WDR17: variants seen among roughly 807,000 people sequenced by gnomAD.
WDR17 encodes WD repeat domain 17, also known as WD repeat-containing protein 17.
In WDR17, 143 loss-of-function variants were observed where a neutral mutation model predicts 161.7. That is an observed-to-expected ratio of 0.88 (90% confidence interval 0.77 to 1.02). The LOEUF is 1.02. WDR17 is among the 50% of genes least tolerant of loss of function. The pLI is 0.00. For missense variants in WDR17, 1,469 were observed against 1,520.9 expected (o/e 0.97, Z 0.57); for synonymous variants, 517 against 515.6 (o/e 1.00, Z -0.04).
At chr4:176,092,444 G>A (rs1229118863) in intron 1 of WDR17, among the ~76,000 whole-genome samples, 1 of 151,968 alleles carries the variant, frequency 6.6e-6, no homozygotes, top group African/African-American at 2.4e-5. Flanking sequence ...AACATAACAC[G>A]ACACAATAAA....
chr4:176,156,226 C>G, intron 18 of WDR17, 83 bp downstream of exon 18: 1 of 1,263,110 alleles, frequency 7.9e-7, no homozygotes, highest in Non-Finnish European at 1.1e-6. Context: ...GGCAGTAGCT[C>G]TTGAAATTTC....
At position 176,086,238 on chromosome 4, in the gene WDR17, A is replaced by C. The variant is rs755796712; in HGVS notation, c.-7+20159A>C. Among the ~76,000 whole-genome samples the C allele has an allele frequency of 2.7e-4, 41 of 152,048 alleles. 2 individuals are homozygous for C. In the Middle Eastern group the frequency reaches 0.01, roughly 38 times the overall value. ...CACGGTTAATTTTTGTAAGTAGCCC[A>C]TGTTTATTTGAAAAGAATGTGAATT... is the stretch of plus-strand genomic sequence containing the variant. On this transcript the variant is annotated intron_variant, in intron 1 of 28. Coordinates refer to ENST00000508596, the MANE Select transcript of WDR17 (RefSeq NM_181265.4).
intron 1 of WDR17, among the ~76,000 whole-genome samples, chr4:176,096,879 AT>A (rs1414801100): frequency 6.6e-6 from 1 of 151,734 alleles, no homozygotes; most frequent in African/African-American, 2.4e-5. Flanking sequence ...ATTGAGATTA[AT>A]ATATGAAAAT....
chr4:176,151,673 G>A, intron 16 of WDR17, 139 bp from the exon 17 acceptor site: 1 of 734,286 alleles, frequency 1.4e-6, no homozygotes, highest in Non-Finnish European at 2.1e-6. Context: ...ATCACCTCAA[G>A]CATTTATCTT....
intron 3 of WDR17, among the ~76,000 whole-genome samples, chr4:176,118,606 T>C (rs1485942323): frequency 6.6e-6 from 1 of 152,164 alleles, no homozygotes; most frequent in Non-Finnish European, 1.5e-5. Context: ...TCTTTGTTCA[T>C]ATCATTTTCT....
At chr4:176,136,595 T>A (rs1744448527) in intron 8 of WDR17, among the ~76,000 whole-genome samples, 1 of 151,600 alleles carries the variant, frequency 6.6e-6, no homozygotes, top group African/African-American at 2.4e-5. Flanking sequence ...TGGTGCATCA[T>A]GACTTTGAGG....
At chr4:176,133,087 C>T (rs1579141404) in intron 7 of WDR17, among the ~76,000 whole-genome samples, 1 of 150,390 alleles carries the variant, frequency 6.6e-6, no homozygotes, top group African/African-American at 2.4e-5. Context: ...ATTGCAGCAA[C>T]TCAAAAGAAA....
intron 1 of WDR17, among the ~76,000 whole-genome samples, chr4:176,084,809 A>G (rs1052623762): frequency 2.7e-5 from 4 of 148,236 alleles, no homozygotes; most frequent in African/African-American, 9.8e-5. Flanking sequence ...ATATACACAC[A>G]TGCTTATATT....
intron 11 of WDR17, among the ~76,000 whole-genome samples, chr4:176,142,948 C>T (rs1399914810): frequency 1.3e-5 from 2 of 152,156 alleles, no homozygotes; most frequent in Admixed American, 1.3e-4. Context: ...GGCATGATCT[C>T]GGCTCACGGC....
intron 15 of WDR17, 67 bp downstream of exon 15, chr4:176,150,240 T>G: frequency 6.3e-7 from 1 of 1,579,780 alleles, no homozygotes; most frequent in East Asian, 2.2e-5. Context: ...ACAACTATTT[T>G]TATTCACATA....
intron 1 of WDR17, among the ~76,000 whole-genome samples, chr4:176,082,352 A>C (rs1734856596): frequency 6.6e-6 from 1 of 152,130 alleles, no homozygotes; most frequent in Non-Finnish European, 1.5e-5. Context: ...AATTATATTT[A>C]AAGACAAGAA....
At chr4:176,134,655 G>C (rs1038292378) in intron 7 of WDR17, among the ~76,000 whole-genome samples, 1 of 151,646 alleles carries the variant, frequency 6.6e-6, no homozygotes, top group African/African-American at 2.4e-5. Flanking sequence ...TACGTTATTA[G>C]TATAAAAAAG....
intron 1 of WDR17, among the ~76,000 whole-genome samples, chr4:176,104,152 T>A (rs1738296402): frequency 6.6e-6 from 1 of 152,086 alleles, no homozygotes. Flanking sequence ...CAACCAAATA[T>A]CTTTTATCCT....
Position 176,152,595 on chromosome 4 carries a change from CAAAAAAAA to C in WDR17, c.2460+648_2460+655del, listed in dbSNP as rs34451055. Reference sequence around the variant, plus strand: ...TACTCCAGCCTGGGTAACTCCATCTCAAAAAAAAAAAAAAAAAAAAAAAAAAAGGGAAA... The same window carrying C: ...TACTCCAGCCTGGGTAACTCCATCTCAAAAAAAAAAAAAAAAAAAGGGAAA... On this transcript the variant is annotated intron_variant, in intron 17 of 28. Transcript: ENST00000508596. 8.6e-4 allele frequency among the ~76,000 whole-genome samples: 32 copies of C among 37,248 alleles called. 1 individual carries two copies. The highest frequency in any genetic ancestry group is 2.9e-3 in the African/African-American group (25 of 8,728). The allele number at this position is 37,248 out of a possible 152,430, so 24.4% of individuals were successfully genotyped here.
chr4:176,177,357 T>A, intron 27 of WDR17, 114 bp from the exon 28 acceptor site: 2 of 1,104,684 alleles, frequency 1.8e-6, no homozygotes, highest in East Asian at 4.8e-5. Context: ...TCTAAAGGGA[T>A]TTGTCTCCAT....
chr4:176,110,925 C>T (rs1739619304), intron 1 of WDR17, among the ~76,000 whole-genome samples: 1 of 152,170 alleles, frequency 6.6e-6, no homozygotes, highest in African/African-American at 2.4e-5. Context: ...CTCTGTCCTG[C>T]CACATAGACA....
rs529158640 is a variant in WDR17, at chr4:176,130,693, C to T, written c.914-861C>T. Among the ~76,000 whole-genome samples the T allele has an allele frequency of 1.1e-4, 16 of 146,734 alleles. No homozygotes were observed. In the South Asian group the frequency reaches 2.8e-3, roughly 26 times the overall value. On this transcript the variant is annotated intron_variant, in intron 6 of 28. Transcript: ENST00000508596. Reference sequence around the variant, plus strand: ...CTGGGAGGCGGAGCTTGCAGTGAGCCGAGATCATGCCACAGCACTCCAGCC... The same window carrying T: ...CTGGGAGGCGGAGCTTGCAGTGAGCTGAGATCATGCCACAGCACTCCAGCC...
intron 1 of WDR17, among the ~76,000 whole-genome samples, chr4:176,069,312 A>G (rs115810443): frequency 0.044 from 6,765 of 152,080 alleles, 225 homozygotes; most frequent in Non-Finnish European, 0.068. Flanking sequence ...CTTACAAAGT[A>G]TTGTTCAGTA....
chr4:176,163,072 A>T, intron 21 of WDR17, 82 bp from the exon 22 acceptor site: 1 of 1,529,066 alleles, frequency 6.5e-7, no homozygotes, highest in South Asian at 1.1e-5. Context: ...ATACTGCTTT[A>T]TCTGCTTTAT....
Sources: allele counts gnomAD v4.1 joint callset (sites outside exome capture counted in the v4.1 genomes callset), GRCh38; gene constraint gnomAD v4.1.1; transcripts MANE v1.5; gene names NCBI Gene and HGNC (gene_info 2026-07-23, HGNC 2026-07-21).